Variants in XYLT1 observed in about 807,000 individuals in gnomAD.
The protein encoded by XYLT1 is beta-D-xylosyltransferase 1.
Under a neutral mutation model 91.3 loss-of-function variants are expected in XYLT1, and 36 were observed. The ratio of observed to expected loss-of-function variants is 0.39; its 90% CI spans 0.30 to 0.52. XYLT1 has a LOEUF of 0.52. Among genes scored for constraint, XYLT1 ranks in the 20% least tolerant of loss-of-function variants. XYLT1 has a pLI of 0.68. For missense variants in XYLT1, 1,242 were observed against 1,284.5 expected (o/e 0.97, Z 0.51); for synonymous variants, 588 against 532.0 (o/e 1.11, Z -1.45).
chr16:17,418,366 C>T (rs962554030), intron 1 of XYLT1, among the ~76,000 whole-genome samples: 1 of 152,140 alleles, frequency 6.6e-6, no homozygotes, highest in Admixed American at 6.5e-5. Flanking sequence ...CTCCAAGTTC[C>T]TCCTCTCTTT....
intron 1 of XYLT1, among the ~76,000 whole-genome samples, chr16:17,381,036 CGTT>C (rs2035673516): frequency 6.6e-6 from 1 of 152,082 alleles, no homozygotes; most frequent in Admixed American, 6.6e-5. Context: ...ACTTTGTTGT[CGTT>C]GTTTCTTTTT....
At chr16:17,140,957 G>A (rs763552672) in intron 7 of XYLT1, among the ~76,000 whole-genome samples, 196 bp downstream of exon 7, 19 of 151,746 alleles carry the variant, frequency 1.3e-4, no homozygotes, top group East Asian at 1.9e-4. Context: ...TGGTAGCACC[G>A]TGTGTCTACT....
intron 5 of XYLT1, among the ~76,000 whole-genome samples, chr16:17,186,575 G>T (rs900268040): frequency 6.6e-6 from 1 of 151,574 alleles, no homozygotes; most frequent in Non-Finnish European, 1.5e-5. Flanking sequence ...AAAGTGCTGG[G>T]ATAGGCATGA....
chr16:17,457,627 A>C (rs2036762166), intron 1 of XYLT1, among the ~76,000 whole-genome samples: 2 of 152,176 alleles, frequency 1.3e-5, no homozygotes, highest in African/African-American at 4.8e-5. Context: ...CTATCCCTCA[A>C]TAGGGTTACA....
At chr16:17,208,714 T>C (rs1174821618) in intron 3 of XYLT1, among the ~76,000 whole-genome samples, 2 of 152,116 alleles carry the variant, frequency 1.3e-5, no homozygotes. Flanking sequence ...ATGGATAACA[T>C]ATAATTTACT....
intron 2 of XYLT1, among the ~76,000 whole-genome samples, chr16:17,276,380 C>T (rs1226991899): frequency 7.9e-5 from 12 of 152,160 alleles, no homozygotes; most frequent in Admixed American, 7.9e-4. Context: ...CATCCAATGT[C>T]GATTGGAAGG....
At chr16:17,134,975 TAGTA>T (rs1476883012) in intron 8 of XYLT1, among the ~76,000 whole-genome samples, 2 of 152,184 alleles carry the variant, frequency 1.3e-5, no homozygotes, top group Non-Finnish European at 2.9e-5. Context: ...CATCATTTCT[TAGTA>T]AGCATCATTT....
intron 2 of XYLT1, among the ~76,000 whole-genome samples, chr16:17,282,444 A>AC (rs1483782491): frequency 6.6e-6 from 1 of 152,226 alleles, no homozygotes; most frequent in Non-Finnish European, 1.5e-5. Context: ...CCGACAGGTG[A>AC]CCACATACTA....
At chr16:17,404,730 G>A (rs1292640263) in intron 1 of XYLT1, among the ~76,000 whole-genome samples, 1 of 120,720 alleles carries the variant, frequency 8.3e-6, no homozygotes, top group Non-Finnish European at 1.7e-5. Context: ...GAGGTCAGCA[G>A]TTCAAGACCA....
intron 1 of XYLT1, among the ~76,000 whole-genome samples, chr16:17,441,681 G>C (rs957312298): frequency 6.6e-5 from 10 of 152,188 alleles, no homozygotes; most frequent in Non-Finnish European, 1.0e-4. Flanking sequence ...GGTACTCTAA[G>C]TAGCAATCGC....
At chr16:17,163,272 T>TTG (rs535581697) in intron 5 of XYLT1, among the ~76,000 whole-genome samples, 183 of 152,254 alleles carry the variant, frequency 1.2e-3, no homozygotes, top group Middle Eastern at 3.4e-3. Context: ...CATGGCACCA[T>TTG]TGTGTGTGTG....
intron 1 of XYLT1, among the ~76,000 whole-genome samples, chr16:17,454,239 T>C (rs2036705688): frequency 6.6e-6 from 1 of 152,248 alleles, no homozygotes; most frequent in Admixed American, 6.5e-5. Flanking sequence ...CAGCACTATT[T>C]ATAATGGCCC....
intron 1 of XYLT1, among the ~76,000 whole-genome samples, chr16:17,365,910 G>GT (rs1308206446): frequency 1.3e-5 from 2 of 152,132 alleles, no homozygotes; most frequent in Non-Finnish European, 1.5e-5. Context: ...GCCTCAAGAG[G>GT]TTTTGTAATT....
At chr16:17,447,847 G>A (rs1300628463) in intron 1 of XYLT1, among the ~76,000 whole-genome samples, 1 of 152,174 alleles carries the variant, frequency 6.6e-6, no homozygotes. Context: ...GCTGCAGTAA[G>A]AGTTTTAAAA....
At chr16:17,344,611 G>A (rs188227413) in intron 2 of XYLT1, among the ~76,000 whole-genome samples, 29 of 152,230 alleles carry the variant, frequency 1.9e-4, no homozygotes, top group African/African-American at 7.0e-4. Flanking sequence ...AGTCCCTTAA[G>A]CACTGTAGTG....
intron 1 of XYLT1, among the ~76,000 whole-genome samples, chr16:17,431,344 G>C (rs1230966846): frequency 6.6e-6 from 1 of 152,166 alleles, no homozygotes; most frequent in Non-Finnish European, 1.5e-5. Context: ...CAGAAGGTCG[G>C]GAGTGGGGCT....
At chr16:17,408,881 C>T (rs888123027) in intron 1 of XYLT1, among the ~76,000 whole-genome samples, 2 of 152,042 alleles carry the variant, frequency 1.3e-5, no homozygotes, top group Admixed American at 6.6e-5. Context: ...AAAAGAGTAA[C>T]GAGTGTTAGA....
chr16:17,269,760 C>T lies in XYLT1; in HGVS notation c.403-10262G>A, dbSNP rs954733521. On this transcript the variant is annotated intron_variant, in intron 2 of 11. Transcript: ENST00000261381. ...TCCCTGAGTCCACTGAGCTCATCTC[C>T]CTTCCCTCCCTCCCACCTCTCTCCT... Among the ~76,000 whole-genome samples the T allele has an allele frequency of 2.3e-4, 35 of 150,622 alleles. 1 individual carries two copies. Among genetic ancestry groups the T allele is most frequent in the Admixed American group, 4.7e-4 (7 of 15,050 alleles).
chr16:17,453,980 A>AT, intron 1 of XYLT1, among the ~76,000 whole-genome samples: 1 of 152,342 alleles, frequency 6.6e-6, no homozygotes, highest in Admixed American at 6.5e-5. Flanking sequence ...GACAATTAAG[A>AT]AACTGTTTCT....
Sources: gnomAD v4.1 joint callset for allele counts (sites outside exome capture counted in the v4.1 genomes callset) on GRCh38, gnomAD v4.1.1 for gene constraint, MANE v1.5 for transcripts, NCBI Gene and HGNC (gene_info 2026-07-23, HGNC 2026-07-21) for gene names.